The following MRPL19 variants were observed in gnomAD, a reference collection of about 807,000 sequenced individuals.
MRPL19 encodes the protein large ribosomal subunit protein bL19m.
Under a neutral mutation model 34.0 loss-of-function variants are expected in MRPL19, and 31 were observed. The ratio of observed to expected loss-of-function variants is 0.91; its 90% CI spans 0.68 to 1.23. MRPL19 has a LOEUF of 1.23. Among genes scored for constraint, MRPL19 ranks in the 50% most tolerant of loss-of-function variants. The pLI, the probability that MRPL19 is intolerant of heterozygous loss-of-function variation, is 0.00. For missense variants in MRPL19, 384 were observed against 367.6 expected, an observed-to-expected ratio of 1.04 and a Z score of -0.37; for synonymous variants, 152 against 127.7, an observed-to-expected ratio of 1.19 and a Z score of -1.28.
rs1678638418 is a variant in MRPL19 at position 75,662,041 on chromosome 2, G to A, written c.*6756G>A. 6.6e-6 allele frequency: 1 copy of A among 152,138 alleles called. No individual in the cohort carries two copies. Among genetic ancestry groups the A allele is most frequent in the Non-Finnish European group, 1.5e-5 (1 of 68,026 alleles). 9.4% of individuals were successfully genotyped at this position (152,138 alleles called of 1,614,324 possible). ...CGAAAGGTTTTTGTAGTATGAGGGG[G>A]TGCTGAATTTTGTCAAACACTTTTT... On this transcript the variant is annotated 3_prime_UTR_variant, in exon 6 of 6. Coordinates refer to ENST00000393909, the MANE Select transcript of MRPL19 (RefSeq NM_014763.4).
Position 75,652,189 on chromosome 2 carries a change from T to G in MRPL19, c.269T>G (p.Leu90Arg). ...FIPRRGRTDP[L>R]KFQIERKDML... ...CCTCGAAGGGGAAGAACAGATCCTC[T>G]GAAATTTCAAATAGAAAGAAAAGAT... The change falls in exon 3 of 6, where the codon CTG (leucine) becomes CGG (arginine). Residue 90 changes from leucine to arginine, a missense_variant. Coordinates refer to ENST00000393909, the MANE Select transcript of MRPL19 (RefSeq NM_014763.4). The G allele has an allele frequency of 6.2e-7, 1 of 1,606,478 alleles. No homozygotes were observed. Among genetic ancestry groups the G allele is most frequent in the Non-Finnish European group, 8.5e-7 (1 of 1,175,962 alleles).
Position 75,658,516 on chromosome 2 carries a change from A to G in MRPL19, c.*3231A>G, listed in dbSNP as rs1678518687. On this transcript the variant is annotated 3_prime_UTR_variant, in exon 6 of 6. Coordinates refer to ENST00000393909, the MANE Select transcript of MRPL19 (RefSeq NM_014763.4). The stretch of plus-strand genomic sequence containing the variant: ...TGTTTCTAAGTTCTTTTGGGTATAC[A>G]TCTTGAGTAGAATTGCTAGATAATG... Among the ~76,000 whole-genome samples, 1 of 152,168 alleles carries G rather than the reference A, an allele frequency of 6.6e-6. No individual in the cohort carries two copies. The highest frequency in any genetic ancestry group is 1.5e-5 in the Non-Finnish European group (1 of 68,022).
chr2:75,651,008 GA>G (rs2104127970), intron 2 of MRPL19, among the ~76,000 whole-genome samples: 1 of 152,290 alleles, frequency 6.6e-6, no homozygotes, highest in East Asian at 1.9e-4. Flanking sequence ...GCTGTTCTGG[GA>G]AGATTCTTAC....
At chr2:75,653,916 A>G (rs757469405) in intron 4 of MRPL19, among the ~76,000 whole-genome samples, 4 of 152,174 alleles carry the variant, frequency 2.6e-5, no homozygotes, top group African/African-American at 9.7e-5. Flanking sequence ...TCCAAAAAAT[A>G]TATCACAATT....
Position 75,660,798 on chromosome 2 carries a change from A to C in MRPL19, c.*5513A>C, listed in dbSNP as rs1040272413. 6.6e-6 allele frequency: 1 copy of C among 152,246 alleles called. No individual in the cohort carries two copies. Among genetic ancestry groups the C allele is most frequent in the Non-Finnish European group, 1.5e-5 (1 of 68,076 alleles). 9.4% of individuals were successfully genotyped at this position (152,246 alleles called of 1,614,324 possible). On this transcript the variant is annotated 3_prime_UTR_variant, in exon 6 of 6. Transcript: ENST00000393909. ...AGGCCCAAAAGCGTAGGGTCTTTGC[A>C]GATCTTGTCTGAGCATGCTTCTTGC...
chr2:75,647,487 T>C, intron 2 of MRPL19: 1 of 428,476 alleles, frequency 2.3e-6, no homozygotes, highest in African/African-American at 2.1e-5. Flanking sequence ...ATTTGTCCTG[T>C]ACCAGAGTTT....
In MRPL19 at chr2:75,652,226, G is replaced by T; in HGVS notation, c.306G>T (p.Arg102Ser). The T allele has an allele frequency of 1.3e-6, 2 of 1,599,626 alleles. No individual in the cohort carries two copies. The highest frequency in any genetic ancestry group is 1.7e-4 in the Middle Eastern group (1 of 5,928). ...TAGAAAGAAAAGATATGTTAGAAAG[G>T]AGAAAAGTACTCCACATTCCAGAGT... ...FQIERKDMLE[R>S]RKVLHIPEFY... Residue 102 changes from arginine to serine, a missense_variant, in exon 3 of 6, where the codon AGG becomes AGT. Coordinates refer to ENST00000393909, the MANE Select transcript of MRPL19 (RefSeq NM_014763.4).
intron 2 of MRPL19, chr2:75,651,401 CT>C (rs1469237989): frequency 1.5e-5 from 8 of 537,404 alleles, no homozygotes; most frequent in African/African-American, 3.8e-5. Context: ...AAGTTACTGA[CT>C]CGCTGCCACT....
rs907605616 is a variant in MRPL19 at position 75,647,206 on chromosome 2, G to A, written c.208G>A (p.Glu70Lys). 3 of 1,580,538 alleles carry A rather than the reference G, an allele frequency of 1.9e-6. No homozygotes were observed. The highest frequency in any genetic ancestry group is 4.7e-5 in the East Asian group (2 of 42,986). ...PVIVDKHRPV[E>K]PERRFLSPEF... The stretch of plus-strand genomic sequence containing the variant: ...CATCGTGGACAAGCACCGCCCCGTG[G>A]AACCGGAACGCAGGTGAGGCACTGC... The change falls in exon 2 of 6, where the codon GAA becomes AAA. Residue 70 changes from glutamate to lysine, a missense_variant. By Grantham distance (56) the Glu-to-Lys change is moderately conservative. Transcript: ENST00000393909.
rs911553632 is a variant in MRPL19, at chr2:75,659,443, C to T, written c.*4158C>T. 6.6e-6 allele frequency among the ~76,000 whole-genome samples: 1 copy of T among 151,996 alleles called. No individual in the cohort carries two copies. The highest frequency in any genetic ancestry group is 2.4e-5 in the African/African-American group (1 of 41,410). On this transcript the variant is annotated 3_prime_UTR_variant, in exon 6 of 6. Coordinates refer to ENST00000393909, the MANE Select transcript of MRPL19 (RefSeq NM_014763.4). Reference sequence around the variant, plus strand: ...TAGTAATACTGACTTTTATATTTGTCAATATATTTATCTTATTTTGGATCC... The same window carrying T: ...TAGTAATACTGACTTTTATATTTGTTAATATATTTATCTTATTTTGGATCC...
rs929883227 is a variant in MRPL19, at chr2:75,658,075, ATCTT to A, written c.*2796_*2799del. ...CTCTCCCAACCCCAGGTAACCTCAAATCTTTCTTTTTATCTTTGAGACAAGGTCT... is the reference window on the plus strand; with the variant it reads ...CTCTCCCAACCCCAGGTAACCTCAAATCTTTTTATCTTTGAGACAAGGTCT... On this transcript the variant is annotated 3_prime_UTR_variant, in exon 6 of 6. Coordinates refer to ENST00000393909, the MANE Select transcript of MRPL19 (RefSeq NM_014763.4). 2.0e-5 allele frequency among the ~76,000 whole-genome samples: 3 copies of A among 151,962 alleles called. No homozygotes were observed. Among genetic ancestry groups the A allele is most frequent in the African/African-American group, 7.2e-5 (3 of 41,384 alleles).
intron 4 of MRPL19, among the ~76,000 whole-genome samples, chr2:75,653,438 T>G (rs1678372890): frequency 6.6e-6 from 1 of 152,348 alleles, no homozygotes; most frequent in South Asian, 2.1e-4. Flanking sequence ...TTGATTTTCT[T>G]TAAGCATTAA....
rs1678243902 is a variant in MRPL19, at chr2:75,647,226, C to T, written c.221+7C>T. ...CCGTGGAACCGGAACGCAGGTGAGG[C>T]ACTGCCCTGGCGCTAGGCCGGCAAC... On this transcript the variant is annotated splice_region_variant and intron_variant, in intron 2 of 5. Coordinates refer to ENST00000393909, the MANE Select transcript of MRPL19 (RefSeq NM_014763.4). The T allele has an allele frequency of 6.3e-7, 1 of 1,575,230 alleles. No individual in the cohort carries two copies. The highest frequency in any genetic ancestry group is 8.6e-7 in the Non-Finnish European group (1 of 1,160,122).
chr2:75,646,934 C>T, intron 1 of MRPL19, 24 bp downstream of exon 1: 1 of 1,549,844 alleles, frequency 6.5e-7, no homozygotes, highest in Non-Finnish European at 8.7e-7. Context: ...GACTTGCGAG[C>T]TGGGGCGCGT....
intron 2 of MRPL19, chr2:75,651,637 T>A: frequency 2.8e-6 from 1 of 351,882 alleles, no homozygotes; most frequent in Non-Finnish European, 5.5e-6. Context: ...TCTTCTCTGA[T>A]CAGGAAGATC....
Position 75,648,035 on chromosome 2 carries a change from C to T in MRPL19, c.221+816C>T, listed in dbSNP as rs57591462. On this transcript the variant is annotated intron_variant, in intron 2 of 5. Coordinates refer to ENST00000393909, the MANE Select transcript of MRPL19 (RefSeq NM_014763.4). The stretch of plus-strand genomic sequence containing the variant: ...AGAGTAGCTGGAACTACTGGTACCA[C>T]GCCTGGCTTTTTTTTTTCTTTTCTT... 7.0e-3 allele frequency among the ~76,000 whole-genome samples: 1,065 copies of T among 151,984 alleles called. 9 individuals are homozygous for T. The highest frequency in any genetic ancestry group is 0.024 in the African/African-American group (1,010 of 41,444).
chr2:75,655,051 T>A lies in MRPL19; in HGVS notation c.658-13T>A, dbSNP rs938515296. On this transcript the variant is annotated splice_polypyrimidine_tract_variant and intron_variant, in intron 5 of 5. Transcript: ENST00000393909. Reference sequence around the variant, plus strand: ...ATTGCTTTTTTTTTTTTTTTTTTTTTAATCTTCCTTAGCTGAAAGTAAAAA... The same window carrying A: ...ATTGCTTTTTTTTTTTTTTTTTTTTAAATCTTCCTTAGCTGAAAGTAAAAA... 54 of 1,304,444 alleles carry A rather than the reference T, an allele frequency of 4.1e-5. No individual in the cohort carries two copies. The highest frequency in any genetic ancestry group is 3.8e-4 in the African/African-American group (23 of 59,778). 80.8% of individuals were successfully genotyped at this position (1,304,444 alleles called of 1,614,324 possible).
intron 4 of MRPL19, 42 bp downstream of exon 4, chr2:75,652,699 T>C (rs1678359143): frequency 1.9e-6 from 3 of 1,581,310 alleles, no homozygotes; most frequent in African/African-American, 2.7e-5. Context: ...GAAAATGTTA[T>C]CTCAGGATTC....
chr2:75,651,956 G>A, intron 2 of MRPL19, 186 bp from the exon 3 acceptor site: 2 of 441,232 alleles, frequency 4.5e-6, no homozygotes, highest in Non-Finnish European at 8.2e-6. Flanking sequence ...AAAATACCAG[G>A]TGAGTACTCA....
Sources: gnomAD v4.1 joint callset for allele counts (sites outside exome capture counted in the v4.1 genomes callset) on GRCh38, gnomAD v4.1.1 for gene constraint, MANE v1.5 for transcripts, NCBI Gene and HGNC (gene_info 2026-07-23, HGNC 2026-07-21) for gene names.